Variants in CEP152 observed in about 807,000 individuals in gnomAD.
CEP152 encodes the protein centrosomal protein 152, also known as centrosomal protein of 152 kDa.
In CEP152, 132 loss-of-function variants were observed where a neutral mutation model predicts 188.9. That is an observed-to-expected ratio of 0.70 (90% CI 0.61 to 0.81). The LOEUF (loss-of-function observed/expected upper bound fraction) is 0.81. CEP152 is among the 30% of genes least tolerant of loss of function. The pLI, the probability that CEP152 is intolerant of heterozygous loss-of-function variation, is 0.00. For synonymous variants in CEP152, 649 were observed against 666.6 expected, an observed-to-expected ratio of 0.97 and a Z score of 0.41; for missense variants, 1,914 against 1,969.8, an observed-to-expected ratio of 0.97 and a Z score of 0.54.
At chr15:48,736,655 T>C (rs1892615351), downstream of CEP152, among the ~76,000 whole-genome samples, 1 of 152,120 alleles carries the variant, frequency 6.6e-6, no homozygotes, top group East Asian at 1.9e-4. Context: ...CTCCAACCAA[T>C]TGGATATAGG....
Position 48,782,230 on chromosome 15 carries a change from C to T in CEP152, c.1322G>A (p.Gly441Glu), listed in dbSNP as rs1896300535. 5 of 1,613,486 alleles carry T rather than the reference C, an allele frequency of 3.1e-6. No individual in the cohort carries two copies. The Admixed American group carries it at 5.0e-5, about 16-fold the overall frequency. ...TAGCTGAGCCACCTCTTGTACTGAC[C>T]CTGCAGAGGAAAGAACCATAGGATA... ...QKQCAHLLQS[G>E]SVQEVAQLQF... Residue 441 changes from glycine to glutamate, a missense_variant and splice_region_variant, in exon 11 of 27, where the codon GGG becomes GAG. Coordinates refer to ENST00000380950, the MANE Select transcript of CEP152 (RefSeq NM_001194998.2).
At chr15:48,790,360 T>C (rs1252471205) in intron 8 of CEP152, among the ~76,000 whole-genome samples, 5 of 152,182 alleles carry the variant, frequency 3.3e-5, no homozygotes, top group Admixed American at 6.5e-5. Context: ...TATGGCATGA[T>C]GAAGGTGAGT....
At chr15:48,742,521 GAAGAA>G (rs1893055257) in intron 24 of CEP152, among the ~76,000 whole-genome samples, 1 of 152,140 alleles carries the variant, frequency 6.6e-6, no homozygotes. Context: ...CACAAAGACA[GAAGAA>G]AAGGAGGCAG....
chr15:48,748,357 A>G, intron 22 of CEP152, 86 bp downstream of exon 22: 2 of 1,419,314 alleles, frequency 1.4e-6, no homozygotes, highest in Non-Finnish European at 1.8e-6. Context: ...GGATCAGTGC[A>G]CACATTAACT....
In CEP152 at chr15:48,744,924, A is replaced by G. The variant is rs759440869; in HGVS notation, c.3703T>C (p.Leu1235=). 8.7e-6 allele frequency: 14 copies of G among 1,610,758 alleles called. No individual in the cohort carries two copies. The South Asian group carries it at 1.2e-4, about 14-fold the overall frequency. The part of the protein sequence containing the change: ...NNDMKNKLEE[L]QTLCKTPPRS... ...GGTGGTGTTTTACAAAGTGTTTGCA[A>G]TTCTTCCAATTTATTCTTCATGTCG... The change falls in exon 23 of 27, where the codon TTG becomes CTG. Residue 1235 remains leucine, a synonymous_variant. Transcript: ENST00000380950.
At chr15:48,761,594 T>C (rs936930079) in intron 18 of CEP152, among the ~76,000 whole-genome samples, 3 of 152,196 alleles carry the variant, frequency 2.0e-5, no homozygotes, top group African/African-American at 7.2e-5. Context: ...GATCATGTCA[T>C]TGTTCTGACA....
Position 48,770,779 on chromosome 15 carries a change from T to C in CEP152, c.1783-1698A>G, listed in dbSNP as rs186456943. Among the ~76,000 whole-genome samples, 5 of 152,326 alleles carry C rather than the reference T, an allele frequency of 3.3e-5. No individual in the cohort carries two copies. In the East Asian group the frequency reaches 7.7e-4, roughly 23 times the overall value. On this transcript the variant is annotated intron_variant, in intron 13 of 26. Coordinates refer to ENST00000380950, the MANE Select transcript of CEP152 (RefSeq NM_001194998.2). The stretch of plus-strand genomic sequence containing the variant: ...CATTTGCTGTTAATATTAAAATCTA[T>C]GTTTTAGTCATCAAATGTAGTTACT...
chr15:48,772,284 G>A (rs899593337), intron 13 of CEP152, among the ~76,000 whole-genome samples: 2 of 152,006 alleles, frequency 1.3e-5, no homozygotes, highest in South Asian at 2.1e-4. Flanking sequence ...AGTGGCGTGC[G>A]CCTGTGGTCC....
At chr15:48,744,728 T>A (rs1038823008) in intron 23 of CEP152, among the ~76,000 whole-genome samples, 168 bp downstream of exon 23, 1 of 152,140 alleles carries the variant, frequency 6.6e-6, no homozygotes, top group Non-Finnish European at 1.5e-5. Context: ...TTAAATGATA[T>A]AAAACAAGAG....
At chr15:48,778,762 C>G (rs550291095) in intron 12 of CEP152, among the ~76,000 whole-genome samples, 27 of 152,084 alleles carry the variant, frequency 1.8e-4, no homozygotes, top group African/African-American at 6.5e-4. Flanking sequence ...CCAGCCTGAC[C>G]AACATGGAGA....
chr15:48,735,491 T>C (rs989143394), downstream of CEP152, among the ~76,000 whole-genome samples: 1 of 152,102 alleles, frequency 6.6e-6, no homozygotes, highest in African/African-American at 2.4e-5. Flanking sequence ...TCCCAGCACT[T>C]TGGGAGGCGG....
chr15:48,782,245 A>T lies in CEP152; in HGVS notation c.1322-15T>A, dbSNP rs142457200. The T allele has an allele frequency of 1.6e-4, 250 of 1,611,448 alleles. 1 individual carries two copies. The African/African-American group carries it at 2.8e-3, about 18-fold the overall frequency. On this transcript the variant is annotated splice_polypyrimidine_tract_variant and intron_variant, in intron 10 of 26. Transcript: ENST00000380950. The stretch of plus-strand genomic sequence containing the variant: ...TTGTACTGACCCTGCAGAGGAAAGA[A>T]CCATAGGATATACTGAAAAAATTAA...
chr15:48,792,319 A>C (rs1404877907), intron 7 of CEP152, among the ~76,000 whole-genome samples: 1 of 152,140 alleles, frequency 6.6e-6, no homozygotes, highest in Non-Finnish European at 1.5e-5. Context: ...AATTCACCTA[A>C]TGTTAAATTC....
chr15:48,730,569 G>C (rs1477367082), intron 2 of CEP152, among the ~76,000 whole-genome samples: 1 of 152,198 alleles, frequency 6.6e-6, no homozygotes, highest in Non-Finnish European at 1.5e-5. Context: ...GAAGCGCTCA[G>C]AGGGAAGCAA....
chr15:48,791,347 G>A lies in CEP152; in HGVS notation c.862C>T (p.Arg288Ter). 2 of 1,612,166 alleles carry A rather than the reference G, an allele frequency of 1.2e-6. No homozygotes were observed. The highest frequency in any genetic ancestry group is 8.5e-7 in the Non-Finnish European group (1 of 1,179,516). ...TTCTGAAAGAGTTTCTGTGATTCTC[G>A]AAGGCTGAGAGTCAAACCATCCTTT... Reference protein sequence around the residue: ...DEKDGLTLSLRESQKLFQNGK... With the variant: ...DEKDGLTLSL Residue 288 changes from arginine to a stop codon, truncating the protein, a stop_gained, in exon 8 of 27, where the codon CGA becomes TGA. Transcript: ENST00000380950. LOFTEE classifies it high-confidence loss of function.
chr15:48,762,094 A>G (rs1894727276), intron 18 of CEP152, among the ~76,000 whole-genome samples: 1 of 152,230 alleles, frequency 6.6e-6, no homozygotes, highest in Non-Finnish European at 1.5e-5. Context: ...TTAAACTGTG[A>G]TTCATTCAGA....
At chr15:48,731,335 T>G (rs1460004062) in intron 2 of CEP152, among the ~76,000 whole-genome samples, 1 of 151,794 alleles carries the variant, frequency 6.6e-6, no homozygotes, top group Non-Finnish European at 1.5e-5. Flanking sequence ...AAGAAAAAAA[T>G]AAGATGAAAA....
At chr15:48,756,574 C>A in intron 19 of CEP152, 21 bp from the exon 20 acceptor site, 1 of 1,599,998 alleles carries the variant, frequency 6.3e-7, no homozygotes, top group Admixed American at 1.7e-5. Context: ...TAACAACATG[C>A]ATTTTGAAAG....
chr15:48,760,308 A>T, intron 18 of CEP152, 42 bp from the exon 19 acceptor site: 3 of 1,611,110 alleles, frequency 1.9e-6, no homozygotes, highest in Middle Eastern at 1.7e-4. Flanking sequence ...GGAAGTATAA[A>T]ACTTAAAAAA....
Sources: allele counts gnomAD v4.1 joint callset (sites outside exome capture counted in the v4.1 genomes callset), GRCh38; gene constraint gnomAD v4.1.1; transcripts MANE v1.5; gene names NCBI Gene and HGNC (gene_info 2026-07-23, HGNC 2026-07-21).